ZDHHC8: variants seen among roughly 807,000 people sequenced by gnomAD.
ZDHHC8 encodes palmitoyltransferase ZDHHC8.
Under a neutral mutation model 61.2 loss-of-function variants are expected in ZDHHC8, and 24 were observed. The observed-to-expected ratio is 0.39, with a 90% CI of 0.28 to 0.55. The LOEUF is 0.55. ZDHHC8 is among the 20% of genes least tolerant of loss of function. The probability of loss-of-function intolerance (pLI) is 0.60; values close to 1 mark genes in which losing one functional copy is unlikely to be tolerated. For missense variants in ZDHHC8, 935 were observed against 1,102.1 expected, an observed-to-expected ratio of 0.85 and a Z score of 2.15; for synonymous variants, 523 against 492.5, an observed-to-expected ratio of 1.06 and a Z score of -0.82.
At chr22:20,136,190 C>T (rs1358580222) in intron 1 of ZDHHC8, among the ~76,000 whole-genome samples, 2 of 152,224 alleles carry the variant, frequency 1.3e-5, no homozygotes, top group Non-Finnish European at 2.9e-5. Context: ...CCAGACACTC[C>T]ACCTCCAGCC....
At chr22:20,139,111 C>T (rs1388298771) in intron 1 of ZDHHC8, 83 bp from the exon 2 acceptor site, 26 of 1,524,676 alleles carry the variant, frequency 1.7e-5, no homozygotes, top group South Asian at 1.3e-5. Context: ...CTTGCAGGCC[C>T]AGCCTGCCGC....
intron 1 of ZDHHC8, 95 bp downstream of exon 1, chr22:20,132,146 C>T (rs2050380697): frequency 2.5e-6 from 2 of 802,530 alleles, no homozygotes; most frequent in Non-Finnish European, 3.1e-6. Flanking sequence ...GCTGGCGGGG[C>T]CCCGGGCAGT....
At position 20,146,628 on chromosome 22, in the gene ZDHHC8, G is replaced by A; in HGVS notation, c.*1228G>A. On this transcript the variant is annotated 3_prime_UTR_variant, in exon 11 of 11. Coordinates refer to ENST00000334554, the MANE Select transcript of ZDHHC8 (RefSeq NM_013373.4). ...GGCTGAGTCAGAGGCTTGGGAAGAG[G>A]GGGCGGCCGATGGTCTGTGGCTGGG... 1.0e-6 allele frequency: 1 copy of A among 1,004,216 alleles called. No individual in the cohort carries two copies. The allele number at this position is 1,004,216 out of a possible 1,614,324, so 62.2% of individuals were successfully genotyped here.
intron 1 of ZDHHC8, among the ~76,000 whole-genome samples, chr22:20,134,286 T>A (rs1003073392): frequency 4.6e-5 from 7 of 152,226 alleles, no homozygotes; most frequent in African/African-American, 1.7e-4. Flanking sequence ...CTGGGCTGAA[T>A]GGCTGTCAGT....
At chr22:20,142,370 C>T (rs1201774728) in intron 9 of ZDHHC8, among the ~76,000 whole-genome samples, 1 of 152,190 alleles carries the variant, frequency 6.6e-6, no homozygotes, top group Non-Finnish European at 1.5e-5. Context: ...CCACATTTGC[C>T]CTGATCCACT....
chr22:20,146,634 G>A lies in ZDHHC8; in HGVS notation c.*1234G>A. 9.9e-7 allele frequency: 1 copy of A among 1,007,724 alleles called. No homozygotes were observed. Among genetic ancestry groups the A allele is most frequent in the Non-Finnish European group, 1.2e-6 (1 of 845,096 alleles). 62.4% of individuals were successfully genotyped at this position (1,007,724 alleles called of 1,614,324 possible). The stretch of plus-strand genomic sequence containing the variant: ...GTCAGAGGCTTGGGAAGAGGGGGCG[G>A]CCGATGGTCTGTGGCTGGGAAGTGT... On this transcript the variant is annotated 3_prime_UTR_variant, in exon 11 of 11. Coordinates refer to ENST00000334554, the MANE Select transcript of ZDHHC8 (RefSeq NM_013373.4).
intron 1 of ZDHHC8, among the ~76,000 whole-genome samples, chr22:20,136,650 G>A (rs757700455): frequency 2.0e-5 from 3 of 152,238 alleles, no homozygotes; most frequent in Non-Finnish European, 4.4e-5. Flanking sequence ...TGATGTGCAG[G>A]CGTGTCTGCG....
At chr22:20,135,073 AG>A (rs982949110) in intron 1 of ZDHHC8, among the ~76,000 whole-genome samples, 1 of 152,032 alleles carries the variant, frequency 6.6e-6, no homozygotes, top group Non-Finnish European at 1.5e-5. Context: ...CTGGGATGAC[AG>A]GTGGGCACCC....
At chr22:20,138,960 G>T (rs2148005420) in intron 1 of ZDHHC8, among the ~76,000 whole-genome samples, 1 of 152,326 alleles carries the variant, frequency 6.6e-6, no homozygotes, top group East Asian at 1.9e-4. Flanking sequence ...GCCCTGAGAG[G>T]TTGCCGGGTC....
In ZDHHC8 at chr22:20,144,471, G is replaced by A. The variant is rs573792770; in HGVS notation, c.2126+715G>A. On this transcript the variant is annotated intron_variant, in intron 10 of 10. Coordinates refer to ENST00000334554, the MANE Select transcript of ZDHHC8 (RefSeq NM_013373.4). ...CCTCACGGCATCTGTCGCCCTGTCC[G>A]GGCCTGGAAACCTCAAGCACAGGCG... Among the ~76,000 whole-genome samples, 11 of 152,354 alleles carry A rather than the reference G, an allele frequency of 7.2e-5. No individual in the cohort carries two copies. In the South Asian group the frequency reaches 1.9e-3, roughly 26 times the overall value.
In ZDHHC8 at chr22:20,143,119, C is replaced by T; in HGVS notation, c.1489C>T (p.Pro497Ser). 1 of 1,612,270 alleles carries T rather than the reference C, an allele frequency of 6.2e-7. No individual in the cohort carries two copies. Among genetic ancestry groups the T allele is most frequent in the Non-Finnish European group, 8.5e-7 (1 of 1,179,832 alleles). Residue 497 changes from proline to serine, a missense_variant, in exon 10 of 11, where the codon CCA (proline) becomes TCA (serine). Pro to Ser is a moderately conservative substitution (Grantham distance 74). Coordinates refer to ENST00000334554, the MANE Select transcript of ZDHHC8 (RefSeq NM_013373.4). Reference sequence around the variant, plus strand: ...TGGTGGCCACGCCTGCCCTGCCCACCCAGCAGTTGGCGTGGCCGGATACCA... The same window carrying T: ...TGGTGGCCACGCCTGCCCTGCCCACTCAGCAGTTGGCGTGGCCGGATACCA... ...SPGGHACPAHPAVGVAGYHSP... is the reference protein window; with the variant it reads ...SPGGHACPAHSAVGVAGYHSP...
rs747977182 is a variant in ZDHHC8, at chr22:20,140,840, G to A, written c.753-31G>A. The stretch of plus-strand genomic sequence containing the variant: ...GCCCTTGTGTGTTTGTGGCAGGTGG[G>A]CTGGCTACTGACCCCTGTGCCCTGG... On this transcript the variant is annotated intron_variant, in intron 6 of 10. Coordinates refer to ENST00000334554, the MANE Select transcript of ZDHHC8 (RefSeq NM_013373.4). 44 of 1,598,010 alleles carry A rather than the reference G, an allele frequency of 2.8e-5. No individual in the cohort carries two copies. In the South Asian group the frequency reaches 4.6e-4, roughly 17 times the overall value.
chr22:20,147,313 C>A lies in ZDHHC8; in HGVS notation c.*1913C>A. On this transcript the variant is annotated 3_prime_UTR_variant, in exon 11 of 11. Coordinates refer to ENST00000334554, the MANE Select transcript of ZDHHC8 (RefSeq NM_013373.4). ...GGTCAGACTGCAGTGGACCCTGGGG[C>A]AGGGCTGGGGGTGGGCTGGGCTCTC... is the stretch of plus-strand genomic sequence containing the variant. The A allele has an allele frequency of 7.5e-7, 1 of 1,330,242 alleles. No homozygotes were observed. The highest frequency in any genetic ancestry group is 9.8e-7 in the Non-Finnish European group (1 of 1,018,518). The allele number at this position is 1,330,242 out of a possible 1,614,324, so 82.4% of individuals were successfully genotyped here.
rs150934096 is a variant in ZDHHC8, at chr22:20,141,683, T to C, written c.1125+153T>C. On this transcript the variant is annotated intron_variant, in intron 9 of 10. Coordinates refer to ENST00000334554, the MANE Select transcript of ZDHHC8 (RefSeq NM_013373.4). Reference sequence around the variant, plus strand: ...CCCCTGAGGCCATGCCCCTCAGGGCTCTGCCTGGGTCACCAAGGGCCTTGT... The same window carrying C: ...CCCCTGAGGCCATGCCCCTCAGGGCCCTGCCTGGGTCACCAAGGGCCTTGT... 1.8e-3 allele frequency among the ~76,000 whole-genome samples: 275 copies of C among 152,272 alleles called. 1 individual carries two copies. Among genetic ancestry groups the C allele is most frequent in the Non-Finnish European group, 3.5e-3 (237 of 68,002 alleles).
chr22:20,132,339 C>T (rs989086978), intron 1 of ZDHHC8, among the ~76,000 whole-genome samples: 5 of 152,214 alleles, frequency 3.3e-5, no homozygotes, highest in Non-Finnish European at 5.9e-5. Context: ...TGGGCCCTGG[C>T]AGGGGAGGAG....
Position 20,140,078 on chromosome 22 carries a change from G to A in ZDHHC8, c.558-37G>A, listed in dbSNP as rs775165351. 38 of 1,609,258 alleles carry A rather than the reference G, an allele frequency of 2.4e-5. No homozygotes were observed. The Admixed American group carries it at 2.8e-4, about 12-fold the overall frequency. On this transcript the variant is annotated intron_variant, in intron 4 of 10. Coordinates refer to ENST00000334554, the MANE Select transcript of ZDHHC8 (RefSeq NM_013373.4). Reference sequence around the variant, plus strand: ...TCTGTGCTGCTGCGATGGGGTCTGCGGTGTCCTGGCCTGCACCGTTGGCCT... The same window carrying A: ...TCTGTGCTGCTGCGATGGGGTCTGCAGTGTCCTGGCCTGCACCGTTGGCCT...
intron 10 of ZDHHC8, 106 bp from the exon 11 acceptor site, chr22:20,145,123 A>G (rs2050509314): frequency 6.4e-6 from 7 of 1,088,088 alleles, no homozygotes; most frequent in Admixed American, 3.0e-5. Context: ...ACTCGGCTGC[A>G]CTAGTCCACG....
intron 9 of ZDHHC8, among the ~76,000 whole-genome samples, chr22:20,142,219 G>C (rs11704034): frequency 0.12 from 18,426 of 152,234 alleles, 1,434 homozygotes; most frequent in Non-Finnish European, 0.17. Flanking sequence ...TTGGCCAAGG[G>C]TCTGAGTCTG....
In ZDHHC8 at chr22:20,139,602, C is replaced by T. The variant is rs1335818977; in HGVS notation, c.351C>T (p.Cys117=). The T allele has an allele frequency of 1.2e-6, 2 of 1,613,214 alleles. No individual in the cohort carries two copies. The highest frequency in any genetic ancestry group is 1.7e-6 in the Non-Finnish European group (2 of 1,180,014). ...GCCACTTCTACCGCCCGCCGCGCTG[C>T]TCCCACTGCAGCGTCTGTGACAACT... ...ATCHFYRPPR[C]SHCSVCDNCV... Residue 117 remains cysteine, a synonymous_variant, in exon 3 of 11, where the codon TGC becomes TGT. Coordinates refer to ENST00000334554, the MANE Select transcript of ZDHHC8 (RefSeq NM_013373.4).
Sources: allele counts gnomAD v4.1 joint callset (sites outside exome capture counted in the v4.1 genomes callset), GRCh38; gene constraint gnomAD v4.1.1; transcripts MANE v1.5; gene names NCBI Gene and HGNC (gene_info 2026-07-23, HGNC 2026-07-21).